The following GKAP1 variants were observed in gnomAD, a reference collection of about 807,000 sequenced individuals.
The protein encoded by GKAP1 is G kinase anchoring protein 1, also known as G kinase-anchoring protein 1.
In GKAP1, 31 loss-of-function variants were observed where a neutral mutation model predicts 56.7. That is an observed-to-expected ratio of 0.55 (90% CI 0.41 to 0.74). The LOEUF is 0.74. GKAP1 is among the 30% of genes least tolerant of loss of function. GKAP1 has a pLI of 0.00. For missense variants in GKAP1, 364 were observed against 402.3 expected, an observed-to-expected ratio of 0.90 and a Z score of 0.82; for synonymous variants, 151 against 138.6, an observed-to-expected ratio of 1.09 and a Z score of -0.63.
At chr9:83,800,971 T>C (rs1944322585) in intron 3 of GKAP1, among the ~76,000 whole-genome samples, 1 of 152,218 alleles carries the variant, frequency 6.6e-6, no homozygotes, top group Non-Finnish European at 1.5e-5. Context: ...ATTTAATTTG[T>C]CTTAAGTTTT....
intron 8 of GKAP1, among the ~76,000 whole-genome samples, chr9:83,768,270 G>A (rs183836881): frequency 6.6e-5 from 10 of 152,194 alleles, no homozygotes; most frequent in South Asian, 2.1e-4. Context: ...ATTTCAGGAC[G>A]TCTGTTCTCT....
At chr9:83,764,014 T>A (rs1305947615) in intron 8 of GKAP1, among the ~76,000 whole-genome samples, 1 of 152,184 alleles carries the variant, frequency 6.6e-6, no homozygotes, top group African/African-American at 2.4e-5. Flanking sequence ...TCCTGAAATA[T>A]ACAAATATCA....
intron 2 of GKAP1, among the ~76,000 whole-genome samples, chr9:83,807,203 G>A (rs192796018): frequency 1.3e-5 from 2 of 152,272 alleles, no homozygotes; most frequent in Non-Finnish European, 2.9e-5. Flanking sequence ...TTCCACAACC[G>A]TTTAGACTTA....
intron 5 of GKAP1, 42 bp downstream of exon 5, chr9:83,788,559 C>A: frequency 8.3e-7 from 1 of 1,204,194 alleles, no homozygotes; most frequent in South Asian, 1.4e-5. Context: ...CCTCTCACCA[C>A]TTAAACTTCT....
At chr9:83,791,389 C>G (rs183847503) in intron 4 of GKAP1, among the ~76,000 whole-genome samples, 2 of 145,400 alleles carry the variant, frequency 1.4e-5, no homozygotes, top group Admixed American at 1.4e-4. Flanking sequence ...GGCGACAGAG[C>G]GAGACTCCGT....
chr9:83,777,795 T>C (rs187750444), intron 7 of GKAP1, among the ~76,000 whole-genome samples: 2 of 152,176 alleles, frequency 1.3e-5, no homozygotes, highest in African/African-American at 2.4e-5. Context: ...ACAAAACTAG[T>C]TCATTTGTAG....
At chr9:83,788,326 T>C (rs1455943242) in intron 5 of GKAP1, among the ~76,000 whole-genome samples, 1 of 152,136 alleles carries the variant, frequency 6.6e-6, no homozygotes, top group Non-Finnish European at 1.5e-5. Context: ...AAATCATCTG[T>C]TGTGAATTTT....
chr9:83,743,638 T>C (rs1213440931), intron 10 of GKAP1, among the ~76,000 whole-genome samples: 4 of 152,114 alleles, frequency 2.6e-5, no homozygotes, highest in Non-Finnish European at 5.9e-5. Context: ...TTTTGTTGAA[T>C]TGTTGGGGGT....
At chr9:83,780,817 T>A (rs1019630711) in intron 6 of GKAP1, among the ~76,000 whole-genome samples, 2 of 152,198 alleles carry the variant, frequency 1.3e-5, no homozygotes, top group Non-Finnish European at 2.9e-5. Flanking sequence ...TTACTGCTTT[T>A]GTGTAATGAA....
chr9:83,782,752 C>T (rs1346943263), intron 6 of GKAP1, among the ~76,000 whole-genome samples: 1 of 150,760 alleles, frequency 6.6e-6, no homozygotes, highest in Non-Finnish European at 1.5e-5. Context: ...CTACAACCTC[C>T]ACCTCCCCGG....
intron 2 of GKAP1, among the ~76,000 whole-genome samples, chr9:83,816,031 C>CAAAAAAAAAAAAA: frequency 1.1e-5 from 1 of 91,438 alleles, no homozygotes; most frequent in African/African-American, 3.9e-5. Context: ...ATTAAAAATA[C>CAAAAAAAAAAAAA]AAAAAAAAAA....
chr9:83,800,331 GT>G (rs11460153), intron 3 of GKAP1, among the ~76,000 whole-genome samples: 9 of 95,592 alleles, frequency 9.4e-5, no homozygotes, highest in Admixed American at 2.2e-4. Flanking sequence ...GCCTCCTTAC[GT>G]TTTTTTTTTG....
chr9:83,768,762 TA>T, intron 8 of GKAP1, 55 bp downstream of exon 8: 1 of 1,491,774 alleles, frequency 6.7e-7, no homozygotes. Context: ...GTTTAAAAAA[TA>T]AAAATTACAT....
chr9:83,793,401 G>T (rs1944194879), intron 4 of GKAP1, among the ~76,000 whole-genome samples: 1 of 152,170 alleles, frequency 6.6e-6, no homozygotes, highest in African/African-American at 2.4e-5. Context: ...TGGAAGGCAA[G>T]ATTATTTTCC....
chr9:83,788,794 T>C (rs956311673), intron 4 of GKAP1, 116 bp from the exon 5 acceptor site: 1 of 570,386 alleles, frequency 1.8e-6, no homozygotes, highest in Non-Finnish European at 3.0e-6. Flanking sequence ...AAAAACAATA[T>C]GGATTCTCCA....
chr9:83,813,823 C>G (rs552813572), intron 2 of GKAP1, among the ~76,000 whole-genome samples: 22 of 152,098 alleles, frequency 1.4e-4, no homozygotes, highest in East Asian at 3.8e-4. Flanking sequence ...CAGCAGGCCA[C>G]ACATGGTGGT....
At chr9:83,815,759 C>T (rs973611469) in intron 2 of GKAP1, among the ~76,000 whole-genome samples, 10 of 152,154 alleles carry the variant, frequency 6.6e-5, no homozygotes, top group Middle Eastern at 6.8e-3. Context: ...TAACTTAGAT[C>T]GAAATTAACT....
chr9:83,775,195 T>C (rs1943837421), intron 7 of GKAP1, among the ~76,000 whole-genome samples: 2 of 152,044 alleles, frequency 1.3e-5, no homozygotes, highest in African/African-American at 4.8e-5. Flanking sequence ...TTTTTAGAGA[T>C]GGGATCACAC....
At chr9:83,804,428 C>G (rs1225634819) in intron 3 of GKAP1, among the ~76,000 whole-genome samples, 9 of 139,978 alleles carry the variant, frequency 6.4e-5, no homozygotes, top group Admixed American at 5.5e-4. Context: ...GGCCAGCCAC[C>G]CCGTCCGGGA....
Sources: allele counts gnomAD v4.1 joint callset (sites outside exome capture counted in the v4.1 genomes callset), GRCh38; gene constraint gnomAD v4.1.1; transcripts MANE v1.5; gene names NCBI Gene and HGNC (gene_info 2026-07-23, HGNC 2026-07-21).